Variants in ADAM19 observed in about 807,000 individuals in gnomAD.
ADAM19 encodes ADAM metallopeptidase domain 19.
A neutral mutation model predicts 114.7 loss-of-function variants in ADAM19; 65 were observed. The observed-to-expected ratio is 0.57, with a 90% confidence interval of 0.46 to 0.70. ADAM19 has a LOEUF of 0.70. Among genes scored for constraint, ADAM19 ranks in the 30% least tolerant of loss-of-function variants. ADAM19 has a pLI of 0.00. For missense variants in ADAM19, 1,063 were observed against 1,204.7 expected, an observed-to-expected ratio of 0.88 and a Z score of 1.74; for synonymous variants, 466 against 460.5, an observed-to-expected ratio of 1.01 and a Z score of -0.15.
At chr5:157,505,606 T>A in intron 11 of ADAM19, 63 bp downstream of exon 11, 1 of 1,546,352 alleles carries the variant, frequency 6.5e-7, no homozygotes. Flanking sequence ...GAGGAACCCC[T>A]GGGTCACACT....
chr5:157,571,885 G>A (rs1342900053), intron 1 of ADAM19, among the ~76,000 whole-genome samples: 1 of 152,156 alleles, frequency 6.6e-6, no homozygotes, highest in Non-Finnish European at 1.5e-5. Flanking sequence ...GATGCTACCT[G>A]CCCATCTCAC....
rs150693665 is a variant in ADAM19 at position 157,491,689 on chromosome 5, G to A, written c.2021C>T (p.Pro674Leu). ...GTTGCAGAAGGGCGGGGCCCAGCCC[G>A]GCAGGCAGTGGCAGTTCTGGTTGTT... ...CNNNQNCHCL[P>L]GWAPPFCNTP... Residue 674 changes from proline (P) to leucine (L), a missense_variant, in exon 18 of 23, where the codon CCG becomes CTG. Pro to Leu is a moderately conservative substitution (Grantham distance 98). Transcript: ENST00000257527. 1,448 of 1,583,136 alleles carry A rather than the reference G, an allele frequency of 9.1e-4. 1 individual carries two copies. The highest frequency in any genetic ancestry group is 1.2e-3 in the Non-Finnish European group (1,355 of 1,163,150).
At chr5:157,486,780 G>C (rs749305927) in intron 21 of ADAM19, among the ~76,000 whole-genome samples, 32 of 151,586 alleles carry the variant, frequency 2.1e-4, no homozygotes, top group Non-Finnish European at 3.2e-4. Context: ...GGACTGAACT[G>C]TGCACTCATC....
At chr5:157,505,526 T>C (rs1755714903) in intron 11 of ADAM19, 143 bp downstream of exon 11, 1 of 949,780 alleles carries the variant, frequency 1.1e-6, no homozygotes, top group African/African-American at 1.7e-5. Context: ...TTCTCTCAAT[T>C]TCTTTGTTGT....
chr5:157,490,540 A>G, intron 18 of ADAM19, 86 bp from the exon 19 acceptor site: 2 of 1,476,044 alleles, frequency 1.4e-6, no homozygotes, highest in Non-Finnish European at 1.9e-6. Flanking sequence ...CTTCTTCTTC[A>G]GGCATTTGAT....
chr5:157,500,425 C>T (rs563564219), intron 12 of ADAM19, among the ~76,000 whole-genome samples: 3 of 152,130 alleles, frequency 2.0e-5, no homozygotes, highest in Non-Finnish European at 2.9e-5. Flanking sequence ...ATATAACATG[C>T]GTATTTCTCC....
intron 12 of ADAM19, 109 bp from the exon 13 acceptor site, chr5:157,499,771 CTCTTT>C: frequency 3.9e-5 from 21 of 541,708 alleles, no homozygotes; most frequent in Non-Finnish European, 5.6e-5. Context: ...TAGCAACTAT[CTCTTT>C]TTTTTTTTTT....
intron 3 of ADAM19, among the ~76,000 whole-genome samples, chr5:157,556,228 T>C (rs1194891495): frequency 3.6e-5 from 5 of 137,590 alleles, no homozygotes; most frequent in African/African-American, 1.4e-4. Flanking sequence ...TTTTTTTTTT[T>C]TTTTTTTTGA....
Position 157,502,393 on chromosome 5 carries a change from A to G in ADAM19, c.1308+410T>C, listed in dbSNP as rs78047985. 5.3e-5 allele frequency among the ~76,000 whole-genome samples: 8 copies of G among 152,324 alleles called. 1 individual carries two copies. The East Asian group carries it at 1.5e-3, about 29-fold the overall frequency. On this transcript the variant is annotated intron_variant, in intron 12 of 22. Coordinates refer to ENST00000257527, the MANE Select transcript of ADAM19 (RefSeq NM_033274.5). The stretch of plus-strand genomic sequence containing the variant: ...CCATCATCTCTCCTCCAGCCTAAAC[A>G]GCATGAGCTTGTTATTTTAAGCATC...
Position 157,564,462 on chromosome 5 carries a change from C to G in ADAM19, c.181-19G>C. Reference sequence around the variant, plus strand: ...GTGGATGCTAAAAGCAACAACAAAACAATGTCAGTTCCTAAAAGCCGGCAC... The same window carrying G: ...GTGGATGCTAAAAGCAACAACAAAAGAATGTCAGTTCCTAAAAGCCGGCAC... On this transcript the variant is annotated intron_variant, in intron 2 of 22. Transcript: ENST00000257527. The G allele has an allele frequency of 6.2e-7, 1 of 1,613,654 alleles. No homozygotes were observed.
At chr5:157,498,275 C>T (rs1755431139) in intron 13 of ADAM19, among the ~76,000 whole-genome samples, 1 of 152,218 alleles carries the variant, frequency 6.6e-6, no homozygotes, top group South Asian at 2.1e-4. Context: ...CAAGTGTGGG[C>T]ATGGGTGGTG....
At chr5:157,562,347 G>C (rs1179808531) in intron 3 of ADAM19, among the ~76,000 whole-genome samples, 1 of 152,278 alleles carries the variant, frequency 6.6e-6, no homozygotes. Context: ...GCCCCATGCG[G>C]CTCAATGGGA....
chr5:157,555,596 G>A (rs1264871269), intron 3 of ADAM19, among the ~76,000 whole-genome samples: 1 of 152,160 alleles, frequency 6.6e-6, no homozygotes, highest in Non-Finnish European at 1.5e-5. Flanking sequence ...AGCATGTATT[G>A]AAAACCTGCT....
At chr5:157,497,335 C>T (rs1273226604) in intron 13 of ADAM19, among the ~76,000 whole-genome samples, 1 of 152,164 alleles carries the variant, frequency 6.6e-6, no homozygotes, top group Non-Finnish European at 1.5e-5. Flanking sequence ...AAGAAAGAGG[C>T]AAGAAATAAT....
At position 157,509,455 on chromosome 5, in the gene ADAM19, A is replaced by C; in HGVS notation, c.751T>G (p.Leu251Val). Reference protein sequence around the residue: ...ANYVDKFYRSLNIRIALVGLE... With the variant: ...ANYVDKFYRSVNIRIALVGLE... The stretch of plus-strand genomic sequence containing the variant: ...CCCACGAGAGCAATCCGGATGTTCA[A>C]GGATCGGTAAAACTGAAAGGACACA... The change falls in exon 9 of 23, where the codon TTG (leucine) becomes GTG (valine). Residue 251 changes from leucine (L) to valine (V), a missense_variant. Around this residue, in one of 3 missense-constraint regions of ADAM19, gnomAD observed 615 missense variants for 706.3 expected, o/e 0.87. Coordinates refer to ENST00000257527, the MANE Select transcript of ADAM19 (RefSeq NM_033274.5). 6.3e-7 allele frequency: 1 copy of C among 1,596,132 alleles called. No individual in the cohort carries two copies. Among genetic ancestry groups the C allele is most frequent in the Non-Finnish European group, 8.6e-7 (1 of 1,169,536 alleles).
chr5:157,506,882 C>A (rs908194546), intron 10 of ADAM19, among the ~76,000 whole-genome samples, 174 bp downstream of exon 10: 3 of 152,246 alleles, frequency 2.0e-5, no homozygotes, highest in Non-Finnish European at 4.4e-5. Flanking sequence ...ATTCACCCTT[C>A]AGTACCTCCA....
chr5:157,507,107 C>T lies in ADAM19; in HGVS notation c.939G>A (p.Leu313=), dbSNP rs768020355. The T allele has an allele frequency of 6.2e-7, 1 of 1,614,144 alleles. No individual in the cohort carries two copies. Among genetic ancestry groups the T allele is most frequent in the South Asian group, 1.1e-5 (1 of 91,086 alleles). The change falls in exon 10 of 23, where the codon CTG becomes CTA. Residue 313 remains leucine (L), a synonymous_variant. Coordinates refer to ENST00000257527, the MANE Select transcript of ADAM19 (RefSeq NM_033274.5). The part of the protein sequence containing the change: ...GMSFHGTTIG[L]APLMAMCSVY... The stretch of plus-strand genomic sequence containing the variant: ...CAGAGCACATGGCCATGAGGGGGGC[C>T]AGGCCGATGGTGGTGCCGTGGAAGG...
chr5:157,519,305 C>CT (rs1199383150), intron 6 of ADAM19, among the ~76,000 whole-genome samples: 1 of 152,164 alleles, frequency 6.6e-6, no homozygotes, highest in Non-Finnish European at 1.5e-5. Context: ...GGAAAGCATA[C>CT]TTTTTTTCCC....
In ADAM19 at chr5:157,502,959, G is replaced by A. The variant is rs769632513; in HGVS notation, c.1152C>T (p.Phe384=). The change falls in exon 12 of 23, where the codon TTC becomes TTT. Residue 384 remains phenylalanine, a synonymous_variant. Transcript: ENST00000257527. ...AATGHPFPKV[F]NGCNRRELDR... ...CCAGCTCCCTCCTGTTGCATCCATT[G>A]AACACTTTGGGAAAGGGGTGCCTGG... 6.2e-7 allele frequency: 1 copy of A among 1,614,034 alleles called. No individual in the cohort carries two copies. The highest frequency in any genetic ancestry group is 1.7e-5 in the Admixed American group (1 of 60,012).
Sources: gnomAD v4.1 joint callset for allele counts (sites outside exome capture counted in the v4.1 genomes callset) on GRCh38, gnomAD v4.1.1 for gene constraint, gnomAD v4.1.1 regional missense constraint, MANE v1.5 for transcripts, NCBI Gene and HGNC (gene_info 2026-07-23, HGNC 2026-07-21) for gene names.